Variants in TAF6 observed in about 807,000 individuals in gnomAD.
The protein encoded by TAF6 is TATA-box binding protein associated factor 6, also known as transcription initiation factor TFIID subunit 6.
A neutral mutation model predicts 73.5 loss-of-function variants in TAF6; 50 were observed. The observed-to-expected ratio is 0.68, with a 90% CI of 0.54 to 0.86. The LOEUF is 0.86. Among genes scored for constraint, TAF6 ranks in the 40% least tolerant of loss-of-function variants. TAF6 has a pLI of 0.00. For missense variants in TAF6, 768 were observed against 899.5 expected (o/e 0.85, Z 1.87); for synonymous variants, 424 against 376.7 (o/e 1.13, Z -1.45).
chr7:100,108,668 G>A (rs1796838608), intron 12 of TAF6, 128 bp from the exon 13 acceptor site: 2 of 1,097,510 alleles, frequency 1.8e-6, no homozygotes, highest in Non-Finnish European at 2.6e-6. Context: ...TATCATCTCA[G>A]TGCCCCTGTT....
chr7:100,119,481 T>C (rs770247084), upstream of TAF6: 4 of 1,356,472 alleles, frequency 2.9e-6, no homozygotes, highest in African/African-American at 3.0e-5. Flanking sequence ...TACATCTATA[T>C]ATAAGGAGCA....
chr7:100,107,097 C>G lies in TAF6; in HGVS notation c.*149G>C, dbSNP rs557433136. 1.0e-4 allele frequency: 135 copies of G among 1,315,032 alleles called. No individual in the cohort carries two copies. The East Asian group carries it at 2.9e-3, about 28-fold the overall frequency. The allele number at this position is 1,315,032 out of a possible 1,614,324, so 81.5% of individuals were successfully genotyped here. On this transcript the variant is annotated 3_prime_UTR_variant, in exon 15 of 15. Coordinates refer to ENST00000453269, the MANE Select transcript of TAF6 (RefSeq NM_139315.3). ...AGAACTTACAAACCAAACTTTTATT[C>G]TGAGAAACTGGCTGTACAATATCTA... is the stretch of plus-strand genomic sequence containing the variant.
chr7:100,111,973 G>A lies in TAF6; in HGVS notation c.747C>T (p.Asp249=). 6.2e-7 allele frequency: 1 copy of A among 1,614,112 alleles called. No individual in the cohort carries two copies. The change falls in exon 8 of 15, where the codon GAC becomes GAT. Residue 249 remains aspartate, a synonymous_variant. Coordinates refer to ENST00000453269, the MANE Select transcript of TAF6 (RefSeq NM_139315.3). ...GTGGCAGCATCTGATACAGTCCAGGGTCCGTGGCAATGCTTTGCAGGGCTT... is the reference window on the plus strand; with the variant it reads ...GTGGCAGCATCTGATACAGTCCAGGATCCGTGGCAATGCTTTGCAGGGCTT... ...RAEALQSIAT[D]PGLYQMLPRF...
chr7:100,122,745 G>A (rs765919010), upstream of TAF6: 2 of 1,594,304 alleles, frequency 1.3e-6, no homozygotes, highest in South Asian at 1.1e-5. Flanking sequence ...GAGGGGTGGG[G>A]TGGTGAGCTG....
Position 100,111,922 on chromosome 7 carries a change from C to A in TAF6, c.798G>T (p.Gly266=). ...GCACTGTGGAACCTCATGCTCTCAC[C>A]CCCTCCGAGATAAAGGTACTGAACC... The part of the protein sequence containing the change: ...LPRFSTFISE[G]VRVNVVQNNL... The change falls in exon 8 of 15, where the codon GGG becomes GGT. Residue 266 remains glycine (G), a splice_region_variant and synonymous_variant. Transcript: ENST00000453269. 6.2e-7 allele frequency: 1 copy of A among 1,614,152 alleles called. No homozygotes were observed.
At chr7:100,122,439 C>G (rs1798103494), upstream of TAF6, 3 of 1,613,858 alleles carry the variant, frequency 1.9e-6, no homozygotes, top group African/African-American at 4.0e-5. Flanking sequence ...CCTGGGAGTT[C>G]CTACAGCATC....
chr7:100,119,683 G>GA, upstream of TAF6: 1 of 1,613,144 alleles, frequency 6.2e-7, no homozygotes, highest in Non-Finnish European at 8.5e-7. Flanking sequence ...GAATTTAAGG[G>GA]ACCCACACTA....
chr7:100,108,840 A>C, intron 12 of TAF6: 2 of 248,534 alleles, frequency 8.0e-6, no homozygotes, highest in Non-Finnish European at 1.5e-5. Flanking sequence ...CCTGGCCAAA[A>C]TGGAGAAACC....
intron 1 of TAF6, chr7:100,118,643 G>T: frequency 6.2e-6 from 1 of 161,568 alleles, no homozygotes; most frequent in Non-Finnish European, 1.3e-5. Context: ...GGTAACAGAC[G>T]GAAACCCTGT....
Position 100,107,951 on chromosome 7 carries a change from G to A in TAF6, c.1631C>T (p.Ser544Phe), listed in dbSNP as rs1477282708. The A allele has an allele frequency of 1.9e-6, 3 of 1,613,256 alleles. No homozygotes were observed. Among genetic ancestry groups the A allele is most frequent in the South Asian group, 1.1e-5 (1 of 91,028 alleles). Residue 544 changes from serine (S) to phenylalanine (F), a missense_variant, in exon 14 of 15, where the codon TCC becomes TTC. By Grantham distance (155) the Ser-to-Phe change is radical. Transcript: ENST00000453269. ...CTGCTGGGTGGATGGGGCGCTGGAG[G>A]ACGATGACATTACAATAAACTTGGT... is the stretch of plus-strand genomic sequence containing the variant. ...PPTKFIVMSS[S>F]SSAPSTQQVL...
chr7:100,109,980 T>G lies in TAF6; in HGVS notation c.1252A>C (p.Ile418Leu). ...DGPVLSNIDR[I>L]GADHVQSLLL... is the part of the protein sequence containing the mutation. ...AGGCTCTGCACATGGTCTGCTCCAA[T>G]CCGGTCAATGTTGCTCAGCACAGGG... Residue 418 changes from isoleucine to leucine, a missense_variant, in exon 12 of 15, where the codon ATT becomes CTT. Physicochemically the swap from Ile to Leu is conservative, Grantham distance 5. This residue lies in a region of TAF6 where 350 missense variants were observed against 352.3 expected (regional missense o/e 0.99). Coordinates refer to ENST00000453269, the MANE Select transcript of TAF6 (RefSeq NM_139315.3). 6.2e-7 allele frequency: 1 copy of G among 1,614,158 alleles called. No homozygotes were observed. The highest frequency in any genetic ancestry group is 1.1e-5 in the South Asian group (1 of 91,084).
intron 1 of TAF6, 101 bp from the exon 2 acceptor site, chr7:100,114,369 T>C: frequency 8.5e-7 from 1 of 1,181,006 alleles, no homozygotes; most frequent in Non-Finnish European, 1.2e-6. Context: ...ACTCCGAGTG[T>C]CTTATGTCCA....
Position 100,108,595 on chromosome 7 carries a change from A to G in TAF6, c.1285-55T>C, listed in dbSNP as rs115360193. On this transcript the variant is annotated intron_variant, in intron 12 of 14. Transcript: ENST00000453269. ...GGAGGGCTGGGGAAAAAAGCCAGGT[A>G]GAGGGAGGGCTGGTGACACTCTTGA... 8.3e-4 allele frequency: 1,279 copies of G among 1,543,194 alleles called. 7 individuals carry two copies. The African/African-American group carries it at 0.014, about 16-fold the overall frequency.
Position 100,107,471 on chromosome 7 carries a change from G to C in TAF6, c.1809C>G (p.Val603=). Residue 603 remains valine (V), a synonymous_variant, in exon 15 of 15, where the codon GTC becomes GTG. Transcript: ENST00000453269. ...PSTAPSGPGS[V]QKYIVVSLPP... is the part of the protein sequence containing the mutation. The stretch of plus-strand genomic sequence containing the variant: ...GAAGTGAGACCACGATGTACTTCTG[G>C]ACACTCCCAGGACCAGAGGGAGCAG... 6.2e-7 allele frequency: 1 copy of C among 1,613,928 alleles called. No homozygotes were observed. Among genetic ancestry groups the C allele is most frequent in the Non-Finnish European group, 8.5e-7 (1 of 1,179,870 alleles).
chr7:100,119,501 G>A, upstream of TAF6: 2 of 1,343,044 alleles, frequency 1.5e-6, no homozygotes, highest in Middle Eastern at 2.7e-4. Context: ...ACTCCCTCTT[G>A]GTGTAATTAC....
intron 1 of TAF6, chr7:100,116,665 A>G (rs575137485): frequency 2.0e-5 from 3 of 152,134 alleles, no homozygotes; most frequent in Non-Finnish European, 4.4e-5. Flanking sequence ...AACAACAAAA[A>G]AAACAGACGA....
rs778504082 is a variant in TAF6, at chr7:100,113,356, C to G, written c.447G>C (p.Pro149=). The G allele has an allele frequency of 1.9e-6, 3 of 1,592,776 alleles. No homozygotes were observed. The highest frequency in any genetic ancestry group is 4.5e-5 in the East Asian group (2 of 44,540). ...GTGGGGCATGGAGGTTACCTGGGGG[C>G]GGGTTCTCGGGGATAGCTGGCTGGC... The part of the protein sequence containing the change: ...EGCQPAIPEN[P]PPAPKEQQKA... The change falls in exon 5 of 15, where the codon CCG becomes CCC. Residue 149 remains proline, a synonymous_variant. Transcript: ENST00000453269.
At chr7:100,124,588 A>G (rs768607465), upstream of TAF6, 4 of 1,613,184 alleles carry the variant, frequency 2.5e-6, no homozygotes, top group African/African-American at 5.4e-5. Context: ...AGCCCCTACA[A>G]AATTTTCTCT....
rs201188562 is a variant in TAF6 at position 100,113,786 on chromosome 7, G to A, written c.244-17C>T. ...ATAGAGTGGCTGTGGCAGGAGAGAGGGGCATGGGTAAGAAGGGAGCCGGAG... is the reference window on the plus strand; with the variant it reads ...ATAGAGTGGCTGTGGCAGGAGAGAGAGGCATGGGTAAGAAGGGAGCCGGAG... On this transcript the variant is annotated splice_polypyrimidine_tract_variant and intron_variant, in intron 3 of 14. Coordinates refer to ENST00000453269, the MANE Select transcript of TAF6 (RefSeq NM_139315.3). 1.2e-6 allele frequency: 2 copies of A among 1,613,838 alleles called. No individual in the cohort carries two copies. The highest frequency in any genetic ancestry group is 1.1e-5 in the South Asian group (1 of 91,058).
Sources: allele counts gnomAD v4.1 joint callset, GRCh38; gene constraint gnomAD v4.1.1; regional missense constraint gnomAD v4.1.1; transcripts MANE v1.5; gene names NCBI Gene and HGNC (gene_info 2026-07-23, HGNC 2026-07-21).